The following SMPD4 variants were observed in gnomAD, a reference collection of about 807,000 sequenced individuals.
SMPD4 encodes sphingomyelin phosphodiesterase 4.
In SMPD4, 58 loss-of-function variants were observed where a neutral mutation model predicts 97.8. That is an observed-to-expected ratio of 0.59 (90% confidence interval 0.48 to 0.74). SMPD4 has a LOEUF of 0.74. SMPD4 is among the 30% of genes least tolerant of loss of function. The pLI is 0.00. For missense variants in SMPD4, 853 were observed against 1,080.5 expected, an observed-to-expected ratio of 0.79 and a Z score of 2.95; for synonymous variants, 388 against 450.0, an observed-to-expected ratio of 0.86 and a Z score of 1.74.
At chr2:130,163,514 C>T (rs1254396496) in intron 10 of SMPD4, among the ~76,000 whole-genome samples, 2 of 152,202 alleles carry the variant, frequency 1.3e-5, no homozygotes, top group African/African-American at 2.4e-5. Context: ...AACTCCATCA[C>T]CCACATTCTG....
chr2:130,156,261 G>A, intron 13 of SMPD4, 126 bp from the exon 14 acceptor site: 4 of 836,512 alleles, frequency 4.8e-6, no homozygotes, highest in Non-Finnish European at 7.6e-6. Flanking sequence ...GGGCGCAGGA[G>A]AGACATGCAC....
chr2:130,155,559 A>G (rs899654607), intron 14 of SMPD4, among the ~76,000 whole-genome samples: 1 of 152,060 alleles, frequency 6.6e-6, no homozygotes, highest in Non-Finnish European at 1.5e-5. Flanking sequence ...GGGCTCAGGG[A>G]GGATCCCCCA....
At chr2:130,178,943 T>C (rs1689228815) in intron 1 of SMPD4, among the ~76,000 whole-genome samples, 1 of 152,138 alleles carries the variant, frequency 6.6e-6, no homozygotes, top group Admixed American at 6.6e-5. Context: ...GGTGGGCTAG[T>C]TACAGTTTTC....
intron 1 of SMPD4, among the ~76,000 whole-genome samples, chr2:130,179,468 C>T (rs186100091): frequency 2.6e-5 from 4 of 152,106 alleles, no homozygotes; most frequent in Non-Finnish European, 4.4e-5. Flanking sequence ...CTCACTGCAA[C>T]CTCCACCTCC....
intron 1 of SMPD4, among the ~76,000 whole-genome samples, chr2:130,177,700 AAAAAAAAAG>A (rs1253164679): frequency 2.0e-5 from 3 of 152,002 alleles, no homozygotes; most frequent in African/African-American, 7.2e-5. Context: ...ATCTCAAAAA[AAAAAAAAAG>A]AAAAAAAGAA....
At chr2:130,164,138 G>A (rs949533553) in intron 10 of SMPD4, among the ~76,000 whole-genome samples, 3 of 152,186 alleles carry the variant, frequency 2.0e-5, no homozygotes, top group East Asian at 1.9e-4. Context: ...GGAGGGCCCC[G>A]GAGAGGCCAG....
intron 13 of SMPD4, 115 bp from the exon 14 acceptor site, chr2:130,156,250 A>T (rs1326864237): frequency 1.1e-6 from 1 of 882,670 alleles, no homozygotes; most frequent in African/African-American, 1.7e-5. Context: ...CTTCCTCCAG[A>T]GGGCGCAGGA....
chr2:130,164,832 A>G (rs1687768921), intron 9 of SMPD4, among the ~76,000 whole-genome samples: 1 of 152,164 alleles, frequency 6.6e-6, no homozygotes, highest in South Asian at 2.1e-4. Flanking sequence ...ACCAACAGGC[A>G]TGGTGGCTCA....
At chr2:130,156,165 G>A (rs376046802) in intron 13 of SMPD4, 30 bp from the exon 14 acceptor site, 14 of 1,575,522 alleles carry the variant, frequency 8.9e-6, no homozygotes, top group South Asian at 5.6e-5. Context: ...TAAGGGCTCC[G>A]TGGCTGGGGG....
rs747962518 is a variant in SMPD4 at position 130,153,703 on chromosome 2, C to T, written c.1892G>A (p.Arg631Gln). ...KALEYLRQIF[R>Q]LSEAQLRQFT... Reference sequence around the variant, plus strand: ...TGGGGCAGGCCCCATAGCTCGTACCCGGAATATCTGGCGCAGGTACTCCAG... The same window carrying T: ...TGGGGCAGGCCCCATAGCTCGTACCTGGAATATCTGGCGCAGGTACTCCAG... The change falls in exon 17 of 20, where the codon CGG becomes CAG. Residue 631 changes from arginine (R) to glutamine (Q), a missense_variant and splice_region_variant. Transcript: ENST00000680298. The T allele has an allele frequency of 2.9e-5, 47 of 1,613,490 alleles. No homozygotes were observed. The South Asian group carries it at 3.3e-4, about 11-fold the overall frequency.
intron 8 of SMPD4, among the ~76,000 whole-genome samples, chr2:130,168,486 TAC>T (rs1222102723): frequency 6.6e-6 from 1 of 151,886 alleles, no homozygotes; most frequent in African/African-American, 2.4e-5. Flanking sequence ...TACTGATAAT[TAC>T]ATAGTCTCCA....
chr2:130,156,174 G>A, intron 13 of SMPD4, 39 bp from the exon 14 acceptor site: 2 of 1,559,992 alleles, frequency 1.3e-6, no homozygotes, highest in Non-Finnish European at 8.8e-7. Context: ...CGTGGCTGGG[G>A]GCCAAATACT....
intron 11 of SMPD4, chr2:130,159,475 C>G (rs1292328663): frequency 6.6e-6 from 1 of 151,990 alleles, no homozygotes; most frequent in East Asian, 1.9e-4. Context: ...TACATCTCTA[C>G]TAAAAATACA....
At chr2:130,167,067 G>A (rs191359759) in intron 9 of SMPD4, among the ~76,000 whole-genome samples, 5 of 152,206 alleles carry the variant, frequency 3.3e-5, no homozygotes, top group Non-Finnish European at 7.4e-5. Context: ...GGGCTGAGGG[G>A]CCGCCTCTGG....
At chr2:130,181,183 C>A in intron 1 of SMPD4, 2 of 957,502 alleles carry the variant, frequency 2.1e-6, no homozygotes, top group Non-Finnish European at 2.6e-6. Context: ...GAGCTGGGAC[C>A]CACACCCGGC....
chr2:130,155,528 A>C (rs1200731790), intron 14 of SMPD4, among the ~76,000 whole-genome samples: 2 of 152,128 alleles, frequency 1.3e-5, no homozygotes, highest in African/African-American at 4.8e-5. Flanking sequence ...ACCATGGCAG[A>C]GGCCAGCCCA....
chr2:130,172,440 T>C lies in SMPD4; in HGVS notation c.568A>G (p.Arg190Gly). 1.9e-6 allele frequency: 3 copies of C among 1,612,436 alleles called. No homozygotes were observed. Among genetic ancestry groups the C allele is most frequent in the Non-Finnish European group, 2.5e-6 (3 of 1,179,186 alleles). The change falls in exon 8 of 20, where the codon AGG (arginine) becomes GGG (glycine). Residue 190 changes from arginine (R) to glycine (G), a missense_variant. Arg to Gly is a moderately radical substitution (Grantham distance 125, BLOSUM62 -2). This residue lies in a region of SMPD4 where 313 missense variants were observed against 402.2 expected (regional missense o/e 0.78). Transcript: ENST00000680298. ...SDCAYFILVD[R>G]YLSWFLPTEG... Reference sequence around the variant, plus strand: ...GTGGGCAGGAACCATGACAGGTACCTGTCCACCAGGATGAAATAGGCACAG... The same window carrying C: ...GTGGGCAGGAACCATGACAGGTACCCGTCCACCAGGATGAAATAGGCACAG...
In SMPD4 at chr2:130,176,583, G is replaced by A. The variant is rs1339340582; in HGVS notation, c.10C>T (p.Pro4Ser). ...AGAAAGCTGGGCTGCTGCAGGTGAG[G>A]GAACGCCATAGCAGCCTCCAGTGGA... Reference protein sequence around the residue: MAFPHLQQPSFLLA... With the variant: MAFSHLQQPSFLLA... Residue 4 changes from proline (P) to serine (S), a missense_variant, in exon 2 of 20, where the codon CCT becomes TCT. Pro to Ser is a moderately conservative substitution (Grantham distance 74). Around this residue, in one of 3 missense-constraint regions of SMPD4, gnomAD observed 313 missense variants for 402.2 expected, o/e 0.78. Transcript: ENST00000680298. 4 of 1,613,420 alleles carry A rather than the reference G, an allele frequency of 2.5e-6. No individual in the cohort carries two copies. The Admixed American group carries it at 6.7e-5, about 27-fold the overall frequency.
chr2:130,170,458 CAA>C (rs556058599), intron 8 of SMPD4, among the ~76,000 whole-genome samples: 9 of 64,608 alleles, frequency 1.4e-4, no homozygotes, highest in Admixed American at 2.0e-4. Flanking sequence ...AAGACCCTGT[CAA>C]AAAAAAAAAA....
Sources: allele counts gnomAD v4.1 joint callset (sites outside exome capture counted in the v4.1 genomes callset), GRCh38; gene constraint gnomAD v4.1.1; regional missense constraint gnomAD v4.1.1; transcripts MANE v1.5; gene names NCBI Gene and HGNC (gene_info 2026-07-23, HGNC 2026-07-21).